Variants in CNIH3 observed in about 807,000 individuals in gnomAD.
The protein encoded by CNIH3 is cornichon family AMPA receptor auxiliary protein 3.
In CNIH3, 14 loss-of-function variants were observed where a neutral mutation model predicts 24.1. That is an observed-to-expected ratio of 0.58 (90% CI 0.38 to 0.91). The LOEUF is 0.91. Among genes scored for constraint, CNIH3 ranks in the 40% least tolerant of loss-of-function variants. The pLI, the probability that CNIH3 is intolerant of heterozygous loss-of-function variation, is 0.00. For missense variants in CNIH3, 178 were observed against 196.8 expected (o/e 0.90, Z 0.57); for synonymous variants, 68 against 73.8 (o/e 0.92, Z 0.40).
chr1:224,611,971 C>T (rs1038639757), upstream of CNIH3, among the ~76,000 whole-genome samples: 23 of 152,224 alleles, frequency 1.5e-4, no homozygotes, highest in Admixed American at 4.6e-4. Context: ...TAACCTTTGC[C>T]GAGATATTGT....
intron 1 of CNIH3, among the ~76,000 whole-genome samples, chr1:224,482,731 C>T (rs1222913090): frequency 3.3e-5 from 5 of 152,062 alleles, no homozygotes; most frequent in Non-Finnish European, 5.9e-5. Context: ...GCAAGCACTC[C>T]CTTAGCCACC....
In CNIH3 at chr1:224,505,032, C is replaced by CCCTTCCTTCCTTCCTT. The variant is rs1181782404; in HGVS notation, n.204-10692_204-10677dup. The stretch of plus-strand genomic sequence containing the variant: ...TCCCTCCCTCCCTCCCTCCCTCCCT[C>CCCTTCCTTCCTTCCTT]CCTTCCTTCCTTCCTTCCTTCCTTC... On this transcript the variant is annotated intron_variant and non_coding_transcript_variant, in intron 1 of 5. Coordinates refer to the CNIH3 transcript ENST00000471578. 4.6e-3 allele frequency among the ~76,000 whole-genome samples: 212 copies of CCCTTCCTTCCTTCCTT among 45,866 alleles called. 2 individuals are homozygous for CCCTTCCTTCCTTCCTT. Among genetic ancestry groups the CCCTTCCTTCCTTCCTT allele is most frequent in the African/African-American group, 7.3e-3 (71 of 9,712 alleles). 30.1% of individuals were successfully genotyped at this position (45,866 alleles called of 152,430 possible). A position where few individuals can be genotyped will look rare whatever the true frequency, so the allele number is the denominator to read the frequency against.
intron 1 of CNIH3, among the ~76,000 whole-genome samples, chr1:224,474,359 C>T (rs1199278762): frequency 8.8e-5 from 10 of 114,092 alleles, no homozygotes; most frequent in Admixed American, 2.2e-4. Context: ...AGCAAAACTT[C>T]GCCTCAAAAA....
rs564826892 is a variant in CNIH3, at chr1:224,715,460, A to C, written c.199-15002A>C. Among the ~76,000 whole-genome samples, 587 of 152,316 alleles carry C rather than the reference A, an allele frequency of 3.9e-3. 4 individuals carry two copies. The highest frequency in any genetic ancestry group is 0.014 in the African/African-American group (568 of 41,568). On this transcript the variant is annotated intron_variant, in intron 3 of 5. Transcript: ENST00000272133. ...AGAACCTTCAAATTCCTCTTCTGAG[A>C]ACCAGTCCTCAACATCCAACTGCCT...
intron 1 of CNIH3, among the ~76,000 whole-genome samples, chr1:224,475,355 CAAAAA>C (rs35377680): frequency 7.7e-6 from 1 of 129,582 alleles, no homozygotes; most frequent in African/African-American, 2.9e-5. Context: ...GACTCCATCT[CAAAAA>C]AAAAAAGAAA....
chr1:224,556,148 C>A (rs1006479947), intron 3 of CNIH3, among the ~76,000 whole-genome samples: 70 of 151,614 alleles, frequency 4.6e-4, no homozygotes, highest in African/African-American at 1.2e-3. Context: ...CAACAGAGAA[C>A]CTGCCATGCC....
chr1:224,635,883 T>C (rs1243946131), intron 1 of CNIH3, among the ~76,000 whole-genome samples: 1 of 152,116 alleles, frequency 6.6e-6, no homozygotes, highest in Non-Finnish European at 1.5e-5. Context: ...GGCTCATTTT[T>C]TTTTCTTTCT....
chr1:224,689,712 A>G (rs1014523012), intron 3 of CNIH3, among the ~76,000 whole-genome samples: 14 of 152,132 alleles, frequency 9.2e-5, no homozygotes, highest in African/African-American at 3.1e-4. Flanking sequence ...TTGTTGTTAA[A>G]CCACCTCCTC....
chr1:224,705,855 T>C lies in CNIH3; in HGVS notation c.198+21012T>C, dbSNP rs12563317. Among the ~76,000 whole-genome samples the C allele has an allele frequency of 3.5e-3, 382 of 109,372 alleles. 3 individuals are homozygous for C. The highest frequency in any genetic ancestry group is 7.6e-3 in the African/African-American group (273 of 35,714). 71.8% of individuals were successfully genotyped at this position (109,372 alleles called of 152,430 possible). The stretch of plus-strand genomic sequence containing the variant: ...TTCTTTTCTCTCTTTCTTTTCTTTT[T>C]TTTCTTTTTTTTTTTTTTTGAGCTG... On this transcript the variant is annotated intron_variant, in intron 3 of 5. Coordinates refer to ENST00000272133, the MANE Select transcript of CNIH3 (RefSeq NM_152495.2).
At chr1:224,725,071 A>G (rs1396395977) in intron 3 of CNIH3, among the ~76,000 whole-genome samples, 1 of 152,114 alleles carries the variant, frequency 6.6e-6, no homozygotes, top group Non-Finnish European at 1.5e-5. Flanking sequence ...TTAGCCGGGC[A>G]TGGTGGCACA....
At chr1:224,538,880 C>A (rs1297572817), downstream of CNIH3, among the ~76,000 whole-genome samples, 1 of 142,750 alleles carries the variant, frequency 7.0e-6, no homozygotes, top group African/African-American at 2.7e-5. Context: ...GTTGCTCAGG[C>A]TGGTCTCGAA....
intron 4 of CNIH3, among the ~76,000 whole-genome samples, chr1:224,580,763 G>T (rs1185381501): frequency 6.6e-6 from 1 of 150,710 alleles, no homozygotes; most frequent in Admixed American, 6.6e-5. Context: ...GGAGTCGGAG[G>T]TTGCAGTGGC....
intron 1 of CNIH3, chr1:224,661,238 C>A (rs1439286264): frequency 1.3e-5 from 4 of 301,320 alleles, no homozygotes; most frequent in African/African-American, 9.1e-5. Context: ...TGGCCCTCTT[C>A]TTCAACTTCT....
intron 3 of CNIH3, among the ~76,000 whole-genome samples, chr1:224,729,530 T>A (rs1225538590): frequency 6.6e-6 from 1 of 150,492 alleles, no homozygotes; most frequent in Non-Finnish European, 1.5e-5. Context: ...ATACAAAGTA[T>A]ATTTATATAT....
At chr1:224,550,482 T>A (rs1448866816) in intron 3 of CNIH3, among the ~76,000 whole-genome samples, 1 of 152,188 alleles carries the variant, frequency 6.6e-6, no homozygotes, top group East Asian at 1.9e-4. Flanking sequence ...AAACTGTGTG[T>A]AAGCACTGGA....
At chr1:224,478,382 G>GTTT (rs1553256558) in intron 1 of CNIH3, among the ~76,000 whole-genome samples, 1 of 151,978 alleles carries the variant, frequency 6.6e-6, no homozygotes, top group Non-Finnish European at 1.5e-5. Flanking sequence ...TTTTCAAATA[G>GTTT]CTTCTTCTCA....
At chr1:224,488,294 C>G (rs1334338892) in intron 1 of CNIH3, among the ~76,000 whole-genome samples, 3 of 152,182 alleles carry the variant, frequency 2.0e-5, no homozygotes, top group African/African-American at 7.2e-5. Flanking sequence ...TACGTTAAAT[C>G]TTTTGATAAG....
At chr1:224,734,269 C>T (rs993498831) in intron 4 of CNIH3, among the ~76,000 whole-genome samples, 2 of 152,228 alleles carry the variant, frequency 1.3e-5, no homozygotes, top group Admixed American at 6.5e-5. Context: ...AGAGGCGGCT[C>T]TTCCTCAGAC....
At position 224,739,522 on chromosome 1, in the gene CNIH3, C is replaced by A. The variant is rs1487286313; in HGVS notation, c.*166C>A. On this transcript the variant is annotated 3_prime_UTR_variant, in exon 6 of 6. Transcript: ENST00000272133. ...GCTGGAATCACGCAGCAGCTGGGAG[C>A]CGAGTTAACCCTGCGTGTCTGTGTC... is the stretch of plus-strand genomic sequence containing the variant. 3 of 1,259,522 alleles carry A rather than the reference C, an allele frequency of 2.4e-6. No homozygotes were observed. The highest frequency in any genetic ancestry group is 3.3e-6 in the Non-Finnish European group (3 of 910,482). The allele number at this position is 1,259,522 out of a possible 1,614,324, so 78.0% of individuals were successfully genotyped here.
Sources: gnomAD v4.1 joint callset for allele counts (sites outside exome capture counted in the v4.1 genomes callset) on GRCh38, gnomAD v4.1.1 for gene constraint, MANE v1.5 for transcripts, NCBI Gene and HGNC (gene_info 2026-07-23, HGNC 2026-07-21) for gene names.